The following LYST variants were observed in gnomAD, a reference collection of about 807,000 sequenced individuals.
LYST encodes the protein lysosomal trafficking regulator.
Under a neutral mutation model 413.6 loss-of-function variants are expected in LYST, and 192 were observed. That is an observed-to-expected ratio of 0.46 (90% CI 0.41 to 0.52). The LOEUF (loss-of-function observed/expected upper bound fraction) is 0.52. Among genes scored for constraint, LYST ranks in the 20% least tolerant of loss-of-function variants. The pLI is 0.00. For synonymous variants in LYST, 1,525 were observed against 1,567.3 expected, an observed-to-expected ratio of 0.97 and a Z score of 0.64; for missense variants, 3,815 against 4,499.9, an observed-to-expected ratio of 0.85 and a Z score of 4.35.
At chr1:235,801,857 C>T (rs1254205533) in intron 8 of LYST, among the ~76,000 whole-genome samples, 1 of 151,994 alleles carries the variant, frequency 6.6e-6, no homozygotes, top group Admixed American at 6.6e-5. Flanking sequence ...TAGATGAGAG[C>T]GAGAAAACTG....
At chr1:235,746,795 C>T (rs1023010583) in intron 28 of LYST, among the ~76,000 whole-genome samples, 3 of 152,092 alleles carry the variant, frequency 2.0e-5, no homozygotes, top group Admixed American at 6.6e-5. Context: ...TGGCAAAGTT[C>T]GAGTTAAAAA....
At position 235,800,379 on chromosome 1, in the gene LYST, A is replaced by T; in HGVS notation, c.3947T>A (p.Val1316Glu). The T allele has an allele frequency of 6.4e-7, 1 of 1,569,270 alleles. No homozygotes were observed. The highest frequency in any genetic ancestry group is 8.8e-7 in the Non-Finnish European group (1 of 1,139,288). Residue 1316 changes from valine (V) to glutamate (E), a missense_variant, in exon 10 of 53, where the codon GTG (valine) becomes GAG (glutamate). Around this residue, in one of 4 missense-constraint regions of LYST, gnomAD observed 1,648 missense variants for 1,810.3 expected, o/e 0.91. Transcript: ENST00000389793. Reference protein sequence around the residue: ...NVFLLMQQGTVKNLLGGFLSI... With the variant: ...NVFLLMQQGTEKNLLGGFLSI... ...CAAGAACCCTCCTAAAAGATTTTTC[A>T]CAGTTCCCTGAAGATTAAAAAAAAT...
At chr1:235,749,381 A>C (rs1666247411) in intron 28 of LYST, among the ~76,000 whole-genome samples, 1 of 152,208 alleles carries the variant, frequency 6.6e-6, no homozygotes, top group African/African-American at 2.4e-5. Flanking sequence ...TCACAAAGAC[A>C]GAATTTCAAT....
chr1:235,777,495 G>A (rs1310059826), intron 16 of LYST, among the ~76,000 whole-genome samples, 187 bp from the exon 17 acceptor site: 1 of 152,206 alleles, frequency 6.6e-6, no homozygotes, highest in Non-Finnish European at 1.5e-5. Flanking sequence ...CAAATGGTCA[G>A]TGATTTATTT....
intron 28 of LYST, among the ~76,000 whole-genome samples, chr1:235,748,272 TC>T (rs1311622522): frequency 3.9e-5 from 6 of 152,320 alleles, no homozygotes; most frequent in Non-Finnish European, 8.8e-5. Flanking sequence ...GCTGACTACT[TC>T]TACCTTCATG....
At position 235,854,026 on chromosome 1, in the gene LYST, G is replaced by A. The variant is rs761694947; in HGVS notation, c.-98+12817C>T. Among the ~76,000 whole-genome samples, 1 of 151,986 alleles carries A rather than the reference G, an allele frequency of 6.6e-6. No homozygotes were observed. Among genetic ancestry groups the A allele is most frequent in the East Asian group, 1.9e-4 (1 of 5,188 alleles). Reference sequence around the variant, plus strand: ...GTTCATCCAGGTAAATCATCTCCCCGGCTTTCTATCCCTGTTAGAAGGAAT... The same window carrying A: ...GTTCATCCAGGTAAATCATCTCCCCAGCTTTCTATCCCTGTTAGAAGGAAT... On this transcript the variant is annotated intron_variant, in intron 1 of 52. Transcript: ENST00000389793. This position sits in a 1 kb window ranked among gnomAD's most constrained non-coding sequence, Gnocchi z 4.1.
intron 3 of LYST, among the ~76,000 whole-genome samples, chr1:235,819,088 G>C (rs1055175387): frequency 2.6e-5 from 4 of 152,196 alleles, no homozygotes; most frequent in Admixed American, 6.5e-5. Context: ...AATGAGGCAA[G>C]TGCAGATGTT....
At chr1:235,800,523 C>A (rs1202801340) in intron 9 of LYST, 137 bp from the exon 10 acceptor site, 2 of 629,618 alleles carry the variant, frequency 3.2e-6, no homozygotes, top group Non-Finnish European at 5.6e-6. Context: ...AAAAAGACTA[C>A]TATGTGTAGG....
rs573074791 is a variant in LYST, at chr1:235,778,467, C to T, written c.5215-1159G>A. 5.3e-5 allele frequency among the ~76,000 whole-genome samples: 8 copies of T among 151,862 alleles called. No individual in the cohort carries two copies. In the Middle Eastern group the frequency reaches 0.01, roughly 195 times the overall value. On this transcript the variant is annotated intron_variant, in intron 16 of 52. Coordinates refer to ENST00000389793, the MANE Select transcript of LYST (RefSeq NM_000081.4). Reference sequence around the variant, plus strand: ...TCAGCTCACTGCAACCTCTGCCTCCCGGGTTCAAGCAATTCTCCTGCTTCG... The same window carrying T: ...TCAGCTCACTGCAACCTCTGCCTCCTGGGTTCAAGCAATTCTCCTGCTTCG...
rs185130275 is a variant in LYST, at chr1:235,877,738, G to A, written n.454+5449C>T. Among the ~76,000 whole-genome samples the A allele has an allele frequency of 9.2e-5, 14 of 151,662 alleles. 1 individual carries two copies. The highest frequency in any genetic ancestry group is 8.3e-4 in the South Asian group (4 of 4,792). On this transcript the variant is annotated intron_variant and non_coding_transcript_variant, in intron 1 of 11. Coordinates refer to the LYST transcript ENST00000465349. ...TTTCTTTTTTAAACGTTTCTATTCC[G>A]TGAGTACAGTTCTGAGACAATTGCA...
intron 46 of LYST, among the ~76,000 whole-genome samples, chr1:235,695,757 C>T (rs113740454): frequency 0.046 from 6,908 of 151,524 alleles, 494 homozygotes; most frequent in African/African-American, 0.15. Context: ...CTCAGCCTCC[C>T]GAGTAGCTGG....
At chr1:235,852,608 T>C (rs368143986) in intron 1 of LYST, among the ~76,000 whole-genome samples, 4 of 152,364 alleles carry the variant, frequency 2.6e-5, no homozygotes, top group South Asian at 4.1e-4. Flanking sequence ...CACAGTCATA[T>C]GTAAGACGTA....
At chr1:235,883,484 G>C (rs1681464634) in exon 1 of LYST, 1 of 152,642 alleles carries the variant, frequency 6.6e-6, no homozygotes, top group Non-Finnish European at 1.5e-5. Context: ...GATGGTGAAG[G>C]CAAAAGCTTC....
chr1:235,740,515 T>G (rs923842623), intron 31 of LYST, among the ~76,000 whole-genome samples: 3 of 152,156 alleles, frequency 2.0e-5, no homozygotes, highest in African/African-American at 7.2e-5. Flanking sequence ...GAATCACAGA[T>G]TGTACTCCTT....
chr1:235,663,538 T>A (rs1255077284), intron 52 of LYST, among the ~76,000 whole-genome samples: 1 of 152,202 alleles, frequency 6.6e-6, no homozygotes, highest in Non-Finnish European at 1.5e-5. Context: ...AAACTTTAAA[T>A]TTAGTACACT....
chr1:235,778,939 T>C (rs1253467052), intron 16 of LYST, among the ~76,000 whole-genome samples: 1 of 151,694 alleles, frequency 6.6e-6, no homozygotes, highest in Non-Finnish European at 1.5e-5. Flanking sequence ...CATTCTCGGC[T>C]CTCTGCAATC....
intron 23 of LYST, 91 bp downstream of exon 23, chr1:235,758,881 G>A: frequency 9.3e-7 from 1 of 1,070,968 alleles, no homozygotes; most frequent in Non-Finnish European, 1.4e-6. Context: ...TGTATTATAA[G>A]TGGCATAATG....
intron 47 of LYST, 133 bp downstream of exon 47, chr1:235,693,217 T>A (rs1660814455): frequency 1.6e-6 from 1 of 613,806 alleles, no homozygotes; most frequent in Admixed American, 2.8e-5. Context: ...CTTGGGAGGC[T>A]GAGGCAGGAG....
chr1:235,742,085 A>G (rs1160539163), intron 30 of LYST, among the ~76,000 whole-genome samples: 1 of 152,174 alleles, frequency 6.6e-6, no homozygotes, highest in Non-Finnish European at 1.5e-5. Flanking sequence ...AGAAAGTAGA[A>G]TAGTGATTAC....
Sources: gnomAD v4.1 joint callset for allele counts (sites outside exome capture counted in the v4.1 genomes callset) on GRCh38, gnomAD v4.1.1 for gene constraint, gnomAD v4.1.1 regional missense constraint, Gnocchi (gnomAD v3.1) non-coding constraint, MANE v1.5 for transcripts, NCBI Gene and HGNC (gene_info 2026-07-23, HGNC 2026-07-21) for gene names.